Variants in AP5M1 observed in about 807,000 individuals in gnomAD.
AP5M1 encodes the protein adaptor related protein complex 5 subunit mu 1, also known as AP-5 complex subunit mu-1.
AP5M1 carries 44 observed loss-of-function variants against 52.3 expected under a neutral mutation model. The observed-to-expected ratio is 0.84, with a 90% CI of 0.66 to 1.08. The LOEUF (loss-of-function observed/expected upper bound fraction) is 1.08. Ranked by LOEUF, AP5M1 falls within the 50% of genes least tolerant of loss-of-function variation. The probability of loss-of-function intolerance (pLI) is 0.00; values close to 1 mark genes in which losing one functional copy is unlikely to be tolerated. For synonymous variants in AP5M1, 213 were observed against 199.0 expected, an observed-to-expected ratio of 1.07 and a Z score of -0.59; for missense variants, 526 against 568.4, an observed-to-expected ratio of 0.93 and a Z score of 0.76.
chr14:57,270,621 T>TA (rs1884868719), intron 1 of AP5M1, among the ~76,000 whole-genome samples: 1 of 152,154 alleles, frequency 6.6e-6, no homozygotes, highest in Admixed American at 6.5e-5. Context: ...GGACCTCAAA[T>TA]ACAGGAGATT....
rs778345161 is a variant in AP5M1, at chr14:57,269,301, TTA to T, written c.-13_-12del. On this transcript the variant is annotated 5_prime_UTR_variant, in exon 1 of 8. An upstream open reading frame in the 5' UTR loses its in-frame stop. Transcript: ENST00000261558. ...CTTAATTATGAGATGAGCTAATGCT[TTA>T]CTGACTTAACCATGGCGCAGCGGGC... 5.6e-5 allele frequency: 91 copies of T among 1,613,750 alleles called. No homozygotes were observed. Among genetic ancestry groups the T allele is most frequent in the Admixed American group, 4.8e-4 (29 of 59,960 alleles).
At chr14:57,283,673 C>T (rs769973494) in intron 6 of AP5M1, among the ~76,000 whole-genome samples, 1 of 152,162 alleles carries the variant, frequency 6.6e-6, no homozygotes, top group African/African-American at 2.4e-5. Context: ...TCTAATTCTA[C>T]TCAGCTCTTG....
intron 1 of AP5M1, among the ~76,000 whole-genome samples, chr14:57,269,685 G>A (rs764587546): frequency 6.6e-6 from 1 of 152,104 alleles, no homozygotes; most frequent in Non-Finnish European, 1.5e-5. Context: ...CTAAGGGAAC[G>A]GTAGAAAATT....
Position 57,282,945 on chromosome 14 carries a change from C to A in AP5M1, c.1100C>A (p.Thr367Lys). The change falls in exon 5 of 8, where the codon ACA becomes AAA. Residue 367 changes from threonine to lysine, a missense_variant. Physicochemically the swap from Thr to Lys is moderately conservative, Grantham distance 78. Transcript: ENST00000261558. The stretch of plus-strand genomic sequence containing the variant: ...TTTTCTTTTTAAAGAGGTCCAATTA[C>A]ACATTTGGAATACAAAACTAGTTTT... The part of the protein sequence containing the change: ...HIPFYNRGPI[T>K]HLEYKTSFGQ... The A allele has an allele frequency of 6.3e-7, 1 of 1,585,164 alleles. No individual in the cohort carries two copies. The highest frequency in any genetic ancestry group is 8.6e-7 in the Non-Finnish European group (1 of 1,160,656).
rs1383717539 is a variant in AP5M1, at chr14:57,271,922, T to C, written c.75-2322T>C. On this transcript the variant is annotated intron_variant, in intron 1 of 7. Transcript: ENST00000261558. ...AAGCAGTATGTCATGTCTTCATTAATTTGTGAGGCTACTGGTAGTGTTAGT... is the reference window on the plus strand; with the variant it reads ...AAGCAGTATGTCATGTCTTCATTAACTTGTGAGGCTACTGGTAGTGTTAGT... 2.6e-5 allele frequency among the ~76,000 whole-genome samples: 4 copies of C among 152,314 alleles called. No individual in the cohort carries two copies. The East Asian group carries it at 7.7e-4, about 29-fold the overall frequency.
At chr14:57,283,724 AC>A (rs749146484) in intron 6 of AP5M1, among the ~76,000 whole-genome samples, 2 of 152,178 alleles carry the variant, frequency 1.3e-5, no homozygotes, top group Non-Finnish European at 2.9e-5. Context: ...GGTGGATCCC[AC>A]CTATAATCCC....
chr14:57,292,153 A>G lies in AP5M1; in HGVS notation c.*3269A>G, dbSNP rs1194919417. The G allele has an allele frequency of 6.6e-6, 1 of 151,882 alleles. No homozygotes were observed. Among genetic ancestry groups the G allele is most frequent in the Non-Finnish European group, 1.5e-5 (1 of 67,852 alleles). 9.4% of individuals were successfully genotyped at this position (151,882 alleles called of 1,614,324 possible). A position where few individuals can be genotyped will look rare whatever the true frequency, so the allele number is the denominator to read the frequency against. The stretch of plus-strand genomic sequence containing the variant: ...CAGGCTGCTGAAAGGAAAAGGAGGC[A>G]AAAAGCTAAACATGGGATGAATTCT... On this transcript the variant is annotated 3_prime_UTR_variant, in exon 8 of 8. Coordinates refer to ENST00000261558, the MANE Select transcript of AP5M1 (RefSeq NM_018229.4).
At chr14:57,287,051 A>G (rs1189904) in intron 7 of AP5M1, among the ~76,000 whole-genome samples, 35,779 of 151,804 alleles carry the variant, frequency 0.24, 10,279 homozygotes, top group African/African-American at 0.69. Context: ...TATGAGACAA[A>G]AAACAATTTA....
intron 2 of AP5M1, among the ~76,000 whole-genome samples, chr14:57,277,273 G>A (rs1885062124): frequency 6.6e-6 from 1 of 152,008 alleles, no homozygotes; most frequent in Non-Finnish European, 1.5e-5. Context: ...CATTTTAAGT[G>A]TGCAGATAGA....
chr14:57,298,426 T>C lies in AP5M1; in HGVS notation c.*9542T>C, dbSNP rs1028349916. 6.6e-6 allele frequency: 1 copy of C among 152,196 alleles called. No individual in the cohort carries two copies. The highest frequency in any genetic ancestry group is 1.5e-5 in the Non-Finnish European group (1 of 68,056). 9.4% of individuals were successfully genotyped at this position (152,196 alleles called of 1,614,324 possible). A position where few individuals can be genotyped will look rare whatever the true frequency, so the allele number is the denominator to read the frequency against. ...GCTCTGTCATTTACAAACTGGGTGG[T>C]CCTGGATAAATTACTTAACCTCTGT... On this transcript the variant is annotated 3_prime_UTR_variant, in exon 8 of 8. Coordinates refer to ENST00000261558, the MANE Select transcript of AP5M1 (RefSeq NM_018229.4).
Position 57,269,296 on chromosome 14 carries a change from A to G in AP5M1, c.-19A>G, listed in dbSNP as rs375804884. 3 of 1,613,280 alleles carry G rather than the reference A, an allele frequency of 1.9e-6. No homozygotes were observed. In the African/African-American group the frequency reaches 4.0e-5, roughly 22 times the overall value. Reference sequence around the variant, plus strand: ...GCGACCTTAATTATGAGATGAGCTAATGCTTTACTGACTTAACCATGGCGC... The same window carrying G: ...GCGACCTTAATTATGAGATGAGCTAGTGCTTTACTGACTTAACCATGGCGC... On this transcript the variant is annotated 5_prime_UTR_variant, in exon 1 of 8. It removes an upstream start codon present in the reference 5' UTR. Coordinates refer to ENST00000261558, the MANE Select transcript of AP5M1 (RefSeq NM_018229.4).
At chr14:57,271,117 T>C (rs1428632310) in intron 1 of AP5M1, 3 of 152,254 alleles carry the variant, frequency 2.0e-5, no homozygotes, top group Non-Finnish European at 4.4e-5. Context: ...TTCTACTATG[T>C]TGGACAGTGC....
Position 57,283,055 on chromosome 14 carries a change from C to A in AP5M1, c.1174+36C>A, listed in dbSNP as rs774736817. ...TTTATTTATTGATTTTTTTTCTTTTCATTTACTGTAGAATCTACTTAATTT... is the reference window on the plus strand; with the variant it reads ...TTTATTTATTGATTTTTTTTCTTTTAATTTACTGTAGAATCTACTTAATTT... On this transcript the variant is annotated intron_variant, in intron 5 of 7. Transcript: ENST00000261558. The A allele has an allele frequency of 1.6e-5, 25 of 1,560,822 alleles. No homozygotes were observed. In the African/African-American group the frequency reaches 3.0e-4, roughly 19 times the overall value.
intron 2 of AP5M1, among the ~76,000 whole-genome samples, chr14:57,278,045 TG>T (rs1354434472): frequency 6.6e-6 from 1 of 152,124 alleles, no homozygotes; most frequent in Non-Finnish European, 1.5e-5. Context: ...ATAATTCTTA[TG>T]GGGCCCAGTT....
Position 57,269,330 on chromosome 14 carries a change from G to C in AP5M1, c.16G>C (p.Val6Leu), listed in dbSNP as rs34722917. Residue 6 changes from valine (V) to leucine (L), a missense_variant, in exon 1 of 8, where the codon GTG becomes CTG. This residue lies in a region of AP5M1 where 425 missense variants were observed against 430.6 expected (regional missense o/e 0.99). Coordinates refer to ENST00000261558, the MANE Select transcript of AP5M1 (RefSeq NM_018229.4). MAQRA[V>L]WLISHEPGTP... ...TGACTTAACCATGGCGCAGCGGGCAGTGTGGCTCATAAGCCACGAACCGGG... is the reference window on the plus strand; with the variant it reads ...TGACTTAACCATGGCGCAGCGGGCACTGTGGCTCATAAGCCACGAACCGGG... The C allele has an allele frequency of 7.4e-6, 12 of 1,614,010 alleles. No individual in the cohort carries two copies. The Admixed American group carries it at 2.0e-4, about 27-fold the overall frequency.
In AP5M1 at chr14:57,294,674, C is replaced by G. The variant is rs984165761; in HGVS notation, c.*5790C>G. The G allele has an allele frequency of 6.6e-6, 1 of 151,926 alleles. No homozygotes were observed. Among genetic ancestry groups the G allele is most frequent in the African/African-American group, 2.4e-5 (1 of 41,504 alleles). 9.4% of individuals were successfully genotyped at this position (151,926 alleles called of 1,614,324 possible). On this transcript the variant is annotated 3_prime_UTR_variant, in exon 8 of 8. Coordinates refer to ENST00000261558, the MANE Select transcript of AP5M1 (RefSeq NM_018229.4). Reference sequence around the variant, plus strand: ...ACTTCCAGACTACTTAGCTGGGGCTCTTTAAATGTTGGAACTATAGTAACA... The same window carrying G: ...ACTTCCAGACTACTTAGCTGGGGCTGTTTAAATGTTGGAACTATAGTAACA...
rs970969086 is a variant in AP5M1 at position 57,286,269 on chromosome 14, A to G, written c.1340A>G (p.Asp447Gly). Reference protein sequence around the residue: ...LDYTLTGCYADQHSVQVFASG... With the variant: ...LDYTLTGCYAGQHSVQVFASG... ...TACACACTTACTGGATGTTATGCAG[A>G]TCAGCATTCAGTTCAAGTTTTTGCA... The change falls in exon 7 of 8, where the codon GAT (aspartate) becomes GGT (glycine). Residue 447 changes from aspartate to glycine, a missense_variant. Coordinates refer to ENST00000261558, the MANE Select transcript of AP5M1 (RefSeq NM_018229.4). 1.2e-6 allele frequency: 2 copies of G among 1,613,334 alleles called. No homozygotes were observed. The highest frequency in any genetic ancestry group is 1.7e-6 in the Non-Finnish European group (2 of 1,179,456).
Position 57,295,154 on chromosome 14 carries a change from G to T in AP5M1, c.*6270G>T, listed in dbSNP as rs1165029980. The T allele has an allele frequency of 6.6e-6, 1 of 151,768 alleles. No homozygotes were observed. The highest frequency in any genetic ancestry group is 2.4e-5 in the African/African-American group (1 of 41,374). The allele number at this position is 151,768 out of a possible 1,614,324, so 9.4% of individuals were successfully genotyped here. The stretch of plus-strand genomic sequence containing the variant: ...ATTTGTTTCTAAAGGACATAGGAGT[G>T]CATTTTTTATATGAAACCAGAACTG... On this transcript the variant is annotated 3_prime_UTR_variant, in exon 8 of 8. Transcript: ENST00000261558.
chr14:57,272,356 G>A (rs954662741), intron 1 of AP5M1, among the ~76,000 whole-genome samples: 6 of 152,096 alleles, frequency 3.9e-5, no homozygotes, highest in Admixed American at 3.9e-4. Context: ...ATTTAAGAAG[G>A]CAAATGATGT....
Sources: gnomAD v4.1 joint callset for allele counts (sites outside exome capture counted in the v4.1 genomes callset) on GRCh38, gnomAD v4.1.1 for gene constraint, gnomAD v4.1.1 regional missense constraint, MANE v1.5 for transcripts, NCBI Gene and HGNC (gene_info 2026-07-23, HGNC 2026-07-21) for gene names.